ZFP1: variants seen among roughly 807,000 people sequenced by gnomAD.
ZFP1 encodes the protein ZFP1 zinc finger protein, also known as zinc finger protein 1 homolog.
ZFP1 carries 32 observed loss-of-function variants against 38.5 expected under a neutral mutation model. That is an observed-to-expected ratio of 0.83 (90% CI 0.63 to 1.12). The LOEUF is 1.12. Ranked by LOEUF, ZFP1 falls within the 50% of genes most tolerant of loss-of-function variation. The pLI is 0.00. For missense variants in ZFP1, 616 were observed against 480.8 expected (o/e 1.28, Z -2.63); for synonymous variants, 245 against 168.8 (o/e 1.45, Z -3.50).
At chr16:75,162,831 GAT>G (rs1480227742) in intron 2 of ZFP1, among the ~76,000 whole-genome samples, 1 of 151,952 alleles carries the variant, frequency 6.6e-6, no homozygotes, top group African/African-American at 2.4e-5. Flanking sequence ...TGCTGCAAAG[GAT>G]ATGATTTCAT....
the ZFP1 span, among the ~76,000 whole-genome samples, chr16:75,142,201 C>CA: frequency 0.027 from 2,987 of 109,970 alleles, 35 homozygotes; most frequent in Admixed American, 0.037. Flanking sequence ...ACTAAAAATA[C>CA]AAAAAAAAAA....
the ZFP1 span, among the ~76,000 whole-genome samples, chr16:75,121,349 T>A: frequency 6.6e-6 from 1 of 152,084 alleles, no homozygotes; most frequent in Admixed American, 6.6e-5. Flanking sequence ...ATGGTTTCGA[T>A]CTCCTGACCT....
the ZFP1 span, among the ~76,000 whole-genome samples, chr16:75,130,111 C>T: frequency 6.6e-6 from 1 of 152,148 alleles, no homozygotes; most frequent in Non-Finnish European, 1.5e-5. Context: ...ATTCTCCTGC[C>T]TCAGCCTCTC....
chr16:75,149,913 T>C (rs1023782172), intron 1 of ZFP1, among the ~76,000 whole-genome samples: 14 of 151,920 alleles, frequency 9.2e-5, no homozygotes, highest in Non-Finnish European at 2.1e-4. Context: ...GCAGTCCTCC[T>C]GGCTGGGATT....
At chr16:75,168,215 T>G (rs138733208) in intron 3 of ZFP1, among the ~76,000 whole-genome samples, 1 of 152,352 alleles carries the variant, frequency 6.6e-6, no homozygotes, top group Non-Finnish European at 1.5e-5. Flanking sequence ...TTGAGAAATC[T>G]TCAGACTGTT....
the ZFP1 span, among the ~76,000 whole-genome samples, chr16:75,121,394 G>A: frequency 1.3e-5 from 2 of 151,832 alleles, no homozygotes; most frequent in Non-Finnish European, 2.9e-5. Flanking sequence ...CAAAGTGTTG[G>A]GATTACAGGA....
At chr16:75,144,994 T>C (rs2036927754), upstream of ZFP1, among the ~76,000 whole-genome samples, 1 of 152,190 alleles carries the variant, frequency 6.6e-6, no homozygotes, top group Non-Finnish European at 1.5e-5. Context: ...TACCTCCAGC[T>C]TGGCTTATTT....
chr16:75,123,116 G>A, the ZFP1 span, among the ~76,000 whole-genome samples: 1 of 151,906 alleles, frequency 6.6e-6, no homozygotes, highest in Non-Finnish European at 1.5e-5. Flanking sequence ...CACTTGGGGA[G>A]GACAAGGCGA....
chr16:75,125,475 AC>A, the ZFP1 span, among the ~76,000 whole-genome samples: 1 of 151,902 alleles, frequency 6.6e-6, no homozygotes, highest in African/African-American at 2.4e-5. Flanking sequence ...GGCATGCACC[AC>A]CACACCTGGC....
At chr16:75,164,449 AAAC>A (rs1158719049) in intron 2 of ZFP1, among the ~76,000 whole-genome samples, 1 of 152,224 alleles carries the variant, frequency 6.6e-6, no homozygotes, top group African/African-American at 2.4e-5. Flanking sequence ...AATTAGTTTA[AAAC>A]AACTTCCTTT....
intron 2 of ZFP1, among the ~76,000 whole-genome samples, chr16:75,163,252 C>T (rs1398412018): frequency 2.0e-5 from 3 of 151,890 alleles, no homozygotes; most frequent in Non-Finnish European, 4.4e-5. Context: ...TTGTCTCTTA[C>T]TGTCTCTATC....
At chr16:75,166,089 G>T (rs543036975) in intron 2 of ZFP1, among the ~76,000 whole-genome samples, 1 of 152,146 alleles carries the variant, frequency 6.6e-6, no homozygotes, top group Non-Finnish European at 1.5e-5. Context: ...TTTACAGTTG[G>T]AAGTTCATCT....
At chr16:75,133,231 C>T in the ZFP1 span, among the ~76,000 whole-genome samples, 2 of 152,192 alleles carry the variant, frequency 1.3e-5, no homozygotes, top group Non-Finnish European at 2.9e-5. Context: ...CCCGCTTTGG[C>T]CTCCCAAAGT....
intron 2 of ZFP1, among the ~76,000 whole-genome samples, chr16:75,158,941 G>T (rs1270816979): frequency 6.9e-6 from 1 of 144,256 alleles, no homozygotes; most frequent in Non-Finnish European, 1.5e-5. Flanking sequence ...GTCTTGCCCA[G>T]ACTAGAGTGC....
At chr16:75,137,014 A>T in the ZFP1 span, among the ~76,000 whole-genome samples, 1 of 152,198 alleles carries the variant, frequency 6.6e-6, no homozygotes, top group Non-Finnish European at 1.5e-5. Context: ...CAAGGAGCCC[A>T]CCCGGGGCCA....
chr16:75,161,773 TA>T lies in ZFP1; in HGVS notation c.16-4996del, dbSNP rs1159810263. Among the ~76,000 whole-genome samples the T allele has an allele frequency of 5.9e-4, 22 of 37,014 alleles. 2 individuals carry two copies. The highest frequency in any genetic ancestry group is 2.4e-3 in the African/African-American group (21 of 8,844). The allele number at this position is 37,014 out of a possible 152,430, so 24.3% of individuals were successfully genotyped here. A position where few individuals can be genotyped will look rare whatever the true frequency, so the allele number is the denominator to read the frequency against. The stretch of plus-strand genomic sequence containing the variant: ...GTTTTATGAAATATATATATATATA[TA>T]TTTTTTTTTTTTTTTTTTTTTTTTT... On this transcript the variant is annotated intron_variant, in intron 2 of 3. Coordinates refer to ENST00000570010, the MANE Select transcript of ZFP1 (RefSeq NM_153688.4).
rs114447333 is a variant in ZFP1 at position 75,166,221 on chromosome 16, C to T, written c.16-549C>T. 2.8e-3 allele frequency among the ~76,000 whole-genome samples: 425 copies of T among 152,192 alleles called. 2 individuals are homozygous for T. Among genetic ancestry groups the T allele is most frequent in the African/African-American group, 9.9e-3 (409 of 41,458 alleles). Reference sequence around the variant, plus strand: ...TCTAATGTGCTTGTCTCACAGTACACATCTTGAGAGCAGAAACAGTGTTTA... The same window carrying T: ...TCTAATGTGCTTGTCTCACAGTACATATCTTGAGAGCAGAAACAGTGTTTA... On this transcript the variant is annotated intron_variant, in intron 2 of 3. Transcript: ENST00000570010.
chr16:75,159,840 T>C (rs1199948589), intron 2 of ZFP1, among the ~76,000 whole-genome samples: 1 of 152,214 alleles, frequency 6.6e-6, no homozygotes, highest in African/African-American at 2.4e-5. Context: ...TCTGATCCCA[T>C]TGGGGCATGT....
intron 2 of ZFP1, among the ~76,000 whole-genome samples, chr16:75,154,273 C>G (rs2037360631): frequency 6.6e-6 from 1 of 151,958 alleles, no homozygotes; most frequent in African/African-American, 2.4e-5. Flanking sequence ...GGCTTGATAA[C>G]TCATTTCTTC....
Sources: gnomAD v4.1 joint callset for allele counts (sites outside exome capture counted in the v4.1 genomes callset) on GRCh38, gnomAD v4.1.1 for gene constraint, MANE v1.5 for transcripts, NCBI Gene and HGNC (gene_info 2026-07-23, HGNC 2026-07-21) for gene names.